The following LRWD1 variants were observed in gnomAD, a reference collection of about 807,000 sequenced individuals.
The protein encoded by LRWD1 is leucine rich repeats and WD repeat domain containing 1.
Under a neutral mutation model 75.6 loss-of-function variants are expected in LRWD1, and 76 were observed. The ratio of observed to expected loss-of-function variants is 1.01; its 90% CI spans 0.84 to 1.22. LRWD1 has a LOEUF of 1.22. LRWD1 is among the 50% of genes most tolerant of loss of function. The pLI, the probability that LRWD1 is intolerant of heterozygous loss-of-function variation, is 0.00. For synonymous variants in LRWD1, 487 were observed against 377.0 expected (o/e 1.29, Z -3.38); for missense variants, 917 against 862.0 (o/e 1.06, Z -0.80).
At chr7:102,472,827 CAGGCTTGGGCTGGCA>C (rs755354073) in intron 14 of LRWD1, 23 bp downstream of exon 14, 1 of 1,612,262 alleles carries the variant, frequency 6.2e-7, no homozygotes, top group Non-Finnish European at 8.5e-7. Flanking sequence ...TCACCCTGCC[CAGGCTTGGGCTGGCA>C]AGGCATCAGG....
intron 9 of LRWD1, 110 bp downstream of exon 9, chr7:102,469,172 GC>G: frequency 4.1e-6 from 4 of 963,974 alleles, no homozygotes; most frequent in Non-Finnish European, 6.1e-6. Context: ...CGCCTGCCGG[GC>G]CCCAGTCTGC....
At chr7:102,470,096 G>A in intron 11 of LRWD1, 1 of 589,918 alleles carries the variant, frequency 1.7e-6, no homozygotes, top group Non-Finnish European at 2.8e-6. Context: ...GTGGGACTGG[G>A]CCATGATGAC....
chr7:102,473,125 G>GGGGGGC lies in LRWD1; in HGVS notation c.*76_*77insGGGGGC. The GGGGGGC allele has an allele frequency of 8.3e-7, 1 of 1,201,656 alleles. No homozygotes were observed. The highest frequency in any genetic ancestry group is 1.2e-6 in the Non-Finnish European group (1 of 868,794). The allele number at this position is 1,201,656 out of a possible 1,614,324, so 74.4% of individuals were successfully genotyped here. On this transcript the variant is annotated 3_prime_UTR_variant, in exon 15 of 15. Transcript: ENST00000292616. ...TTTGGGCCGATGGGGGTGGGGGGGG[G>GGGGGGC]TCTTTCAGTGAATATTTTTATTAAA...
intron 11 of LRWD1, chr7:102,470,772 A>T (rs1297280823): frequency 1.3e-5 from 2 of 151,970 alleles, no homozygotes; most frequent in Admixed American, 1.3e-4. Context: ...CTATTTATTT[A>T]CTTTTTATTT....
chr7:102,473,150 A>G lies in LRWD1; in HGVS notation c.*101A>G. 3.8e-6 allele frequency: 5 copies of G among 1,325,878 alleles called. No individual in the cohort carries two copies. The South Asian group carries it at 5.6e-5, about 15-fold the overall frequency. 82.1% of individuals were successfully genotyped at this position (1,325,878 alleles called of 1,614,324 possible). ...GTCTTTCAGTGAATATTTTTATTAA[A>G]CTCTACTGTGGACAAGAAGCCTGTG... On this transcript the variant is annotated 3_prime_UTR_variant, in exon 15 of 15. Coordinates refer to ENST00000292616, the MANE Select transcript of LRWD1 (RefSeq NM_152892.3).
Position 102,465,890 on chromosome 7 carries a change from C to T in LRWD1, c.154C>T (p.Leu52Phe). The T allele has an allele frequency of 1.2e-6, 2 of 1,613,650 alleles. No homozygotes were observed. The highest frequency in any genetic ancestry group is 1.7e-6 in the Non-Finnish European group (2 of 1,180,016). Residue 52 changes from leucine (L) to phenylalanine (F), a missense_variant, in exon 2 of 15, where the codon CTT (leucine) becomes TTT (phenylalanine). Leu to Phe is a conservative substitution (Grantham distance 22). Coordinates refer to ENST00000292616, the MANE Select transcript of LRWD1 (RefSeq NM_152892.3). ...GTGCCGCCTGACGCAGCTGCAGGAGCTTGACCTGTCTAACAACCACCTGGA... is the reference window on the plus strand; with the variant it reads ...GTGCCGCCTGACGCAGCTGCAGGAGTTTGACCTGTCTAACAACCACCTGGA... ...LLCRLTQLQELDLSNNHLETL... is the reference protein window; with the variant it reads ...LLCRLTQLQEFDLSNNHLETL...
At chr7:102,470,057 C>A in intron 11 of LRWD1, 175 bp downstream of exon 11, 1 of 803,886 alleles carries the variant, frequency 1.2e-6, no homozygotes, top group Non-Finnish European at 1.9e-6. Context: ...GGAAAGGACT[C>A]TGACCCTGCT....
At chr7:102,467,186 G>GTA (rs1798032250) in intron 3 of LRWD1, among the ~76,000 whole-genome samples, 153 bp from the exon 4 acceptor site, 1 of 145,144 alleles carries the variant, frequency 6.9e-6, no homozygotes. Flanking sequence ...GTGTGTGTGT[G>GTA]TGTGTGTGTG....
chr7:102,466,007 C>T lies in LRWD1; in HGVS notation c.271C>T (p.Pro91Ser), dbSNP rs1391070066. ...LGDVTALCQFPKLEELSLEGN... is the reference protein window; with the variant it reads ...LGDVTALCQFSKLEELSLEGN... ...GGATGTTACTGCCTTGTGCCAGTTC[C>T]CCAAGCTCGAGGAACTCAGCCTGGA... The change falls in exon 2 of 15, where the codon CCC becomes TCC. Residue 91 changes from proline to serine, a missense_variant. Transcript: ENST00000292616. The T allele has an allele frequency of 1.9e-6, 3 of 1,614,018 alleles. No individual in the cohort carries two copies. Among genetic ancestry groups the T allele is most frequent in the Admixed American group, 3.3e-5 (2 of 60,020 alleles).
In LRWD1 at chr7:102,468,640, A is replaced by G. The variant is rs1798090555; in HGVS notation, c.1006A>G (p.Lys336Glu). 1 of 1,569,164 alleles carries G rather than the reference A, an allele frequency of 6.4e-7. No individual in the cohort carries two copies. The highest frequency in any genetic ancestry group is 1.2e-5 in the South Asian group (1 of 85,378). ...CQTGIVLHKYKAPGEEFFSVA... is the reference protein window; with the variant it reads ...CQTGIVLHKYEAPGEEFFSVA... ...GACGGGCATCGTGCTCCACAAGTACAAGGCACCCGGCGAGGTGAGTGCAAG... is the reference window on the plus strand; with the variant it reads ...GACGGGCATCGTGCTCCACAAGTACGAGGCACCCGGCGAGGTGAGTGCAAG... Residue 336 changes from lysine to glutamate, a missense_variant, in exon 8 of 15, where the codon AAG (lysine) becomes GAG (glutamate). Transcript: ENST00000292616.
chr7:102,472,899 TC>T lies in LRWD1; in HGVS notation c.1804-6del. ...GAGCCCAGCCCAGCCCTCCCCTCTC[TC>T]CCCACCAGATCCTGAAGTGGCCCCA... On this transcript the variant is annotated splice_polypyrimidine_tract_variant and intron_variant, in intron 14 of 14. Transcript: ENST00000292616. 1 of 1,594,544 alleles carries T rather than the reference TC, an allele frequency of 6.3e-7. No homozygotes were observed. The highest frequency in any genetic ancestry group is 2.2e-5 in the East Asian group (1 of 44,578).
At chr7:102,471,047 C>CT (rs1490764744) in intron 11 of LRWD1, 3 of 152,322 alleles carry the variant, frequency 2.0e-5, no homozygotes, top group Non-Finnish European at 4.4e-5. Flanking sequence ...ATTCTTCTGC[C>CT]TCAGCCTCCC....
At position 102,472,813 on chromosome 7, in the gene LRWD1, C is replaced by A. The variant is rs145841715; in HGVS notation, c.1803+9C>A. The A allele has an allele frequency of 2.5e-6, 4 of 1,613,068 alleles. No individual in the cohort carries two copies. The Admixed American group carries it at 5.0e-5, about 20-fold the overall frequency. On this transcript the variant is annotated intron_variant, in intron 14 of 14. Transcript: ENST00000292616. Reference sequence around the variant, plus strand: ...TGCAGGCCCCCACACAGGTACTGCCCGGCTCACCCTGCCCAGGCTTGGGCT... The same window carrying A: ...TGCAGGCCCCCACACAGGTACTGCCAGGCTCACCCTGCCCAGGCTTGGGCT...
chr7:102,467,235 A>G (rs1798036172), intron 3 of LRWD1, 104 bp from the exon 4 acceptor site: 5 of 1,186,686 alleles, frequency 4.2e-6, no homozygotes, highest in Non-Finnish European at 5.9e-6. Flanking sequence ...CTGTGATTCC[A>G]GGAGGCTTCC....
intron 5 of LRWD1, 57 bp from the exon 6 acceptor site, chr7:102,468,005 T>TG: frequency 6.3e-7 from 1 of 1,583,876 alleles, no homozygotes; most frequent in African/African-American, 1.3e-5. Flanking sequence ...CAGCCTGTGA[T>TG]GGGGAGGAAG....
Position 102,472,988 on chromosome 7 carries a change from C to A in LRWD1, c.1883C>A (p.Ser628Tyr), listed in dbSNP as rs781361448. 1.1e-5 allele frequency: 18 copies of A among 1,614,024 alleles called. No individual in the cohort carries two copies. Among genetic ancestry groups the A allele is most frequent in the Middle Eastern group, 1.6e-4 (1 of 6,084 alleles). Residue 628 changes from serine to tyrosine, a missense_variant, in exon 15 of 15, where the codon TCC becomes TAC. Transcript: ENST00000292616. ...TMVNTVVANA[S>Y]FTYLTALTDS... ...GTGAACACAGTGGTGGCCAATGCCT[C>A]CTTCACCTACCTCACCGCCCTGACG...
rs1798126371 is a variant in LRWD1, at chr7:102,469,650, A to G, written c.1301+4A>G. On this transcript the variant is annotated splice_donor_region_variant and intron_variant, in intron 10 of 14. Coordinates refer to ENST00000292616, the MANE Select transcript of LRWD1 (RefSeq NM_152892.3). Reference sequence around the variant, plus strand: ...AGGACTACGAATTCCAGGCCAGGTGATGCTTCGGGTGAGGCTGGGGAGTGG... The same window carrying G: ...AGGACTACGAATTCCAGGCCAGGTGGTGCTTCGGGTGAGGCTGGGGAGTGG... 2 of 1,614,134 alleles carry G rather than the reference A, an allele frequency of 1.2e-6. No homozygotes were observed. The highest frequency in any genetic ancestry group is 1.7e-6 in the Non-Finnish European group (2 of 1,179,982).
In LRWD1 at chr7:102,472,961, TG is replaced by T. The variant is rs780034032; in HGVS notation, c.1858del (p.Val620Ter). The T allele has an allele frequency of 6.2e-6, 10 of 1,607,854 alleles. No homozygotes were observed. The South Asian group carries it at 1.1e-4, about 18-fold the overall frequency. On this transcript the variant is annotated frameshift_variant, in exon 15 of 15. Transcript: ENST00000292616. LOFTEE classifies it high-confidence loss of function. ...WALGQVVTKT[M>X]VNTVVANASF... ...CTTGGCCAGGTGGTGACCAAGACCA[TG>T]GTGAACACAGTGGTGGCCAATGCCT...
At chr7:102,467,301 G>A in intron 3 of LRWD1, 38 bp from the exon 4 acceptor site, 1 of 1,562,684 alleles carries the variant, frequency 6.4e-7, no homozygotes, top group East Asian at 2.4e-5. Flanking sequence ...GGAGGAGCTG[G>A]GGTGGGCCGG....
Sources: gnomAD v4.1 joint callset for allele counts (sites outside exome capture counted in the v4.1 genomes callset) on GRCh38, gnomAD v4.1.1 for gene constraint, MANE v1.5 for transcripts, NCBI Gene and HGNC (gene_info 2026-07-23, HGNC 2026-07-21) for gene names.